Variants in ENOX1 observed in about 807,000 individuals in gnomAD.
The protein encoded by ENOX1 is ecto-NOX disulfide-thiol exchanger 1, also known as candidate growth-related and time keeping constitutive hydroquinone (NADH) oxidase.
ENOX1 carries 42 observed loss-of-function variants against 82.5 expected under a neutral mutation model. The ratio of observed to expected loss-of-function variants is 0.51; its 90% CI spans 0.40 to 0.66. The LOEUF (loss-of-function observed/expected upper bound fraction) is 0.66, where lower values mean the gene tolerates loss of function less well. ENOX1 is among the 30% of genes least tolerant of loss of function. ENOX1 has a pLI of 0.00. For missense variants in ENOX1, 608 were observed against 811.6 expected (o/e 0.75, Z 3.05); for synonymous variants, 271 against 282.2 (o/e 0.96, Z 0.40).
chr13:43,622,007 G>A (rs143621787), intron 2 of ENOX1, among the ~76,000 whole-genome samples: 21 of 152,060 alleles, frequency 1.4e-4, no homozygotes, highest in Non-Finnish European at 2.5e-4. Flanking sequence ...CCCTGTCTTC[G>A]AGCTGTGAGT....
At chr13:43,397,150 A>T (rs1291874731) in intron 5 of ENOX1, among the ~76,000 whole-genome samples, 1 of 152,242 alleles carries the variant, frequency 6.6e-6, no homozygotes, top group Non-Finnish European at 1.5e-5. Flanking sequence ...AGCAAGGATG[A>T]CATAGAAAAT....
chr13:43,600,046 T>G (rs2081635925), intron 2 of ENOX1, among the ~76,000 whole-genome samples: 1 of 152,056 alleles, frequency 6.6e-6, no homozygotes, highest in African/African-American at 2.4e-5. Context: ...CTGTGAGCTT[T>G]GGGTAAGACT....
At chr13:43,245,691 G>A (rs1299855330) in intron 14 of ENOX1, among the ~76,000 whole-genome samples, 1 of 152,178 alleles carries the variant, frequency 6.6e-6, no homozygotes, top group Non-Finnish European at 1.5e-5. Flanking sequence ...CCCTTTCCCA[G>A]CAGCCTTTGA....
rs2083623890 is a variant in ENOX1, at chr13:43,641,009, A to T, written c.-219+26470T>A. Among the ~76,000 whole-genome samples, 3 of 152,066 alleles carry T rather than the reference A, an allele frequency of 2.0e-5. No homozygotes were observed. In the South Asian group the frequency reaches 6.2e-4, roughly 32 times the overall value. On this transcript the variant is annotated intron_variant, in intron 2 of 16. Coordinates refer to ENST00000690772, the MANE Select transcript of ENOX1 (RefSeq NM_001347969.2). ...TCACTATTTTTCCTCCAGAACATTGATCCTGCCTTGGAAAGAGAAAGCAAA... is the reference window on the plus strand; with the variant it reads ...TCACTATTTTTCCTCCAGAACATTGTTCCTGCCTTGGAAAGAGAAAGCAAA...
intron 3 of ENOX1, among the ~76,000 whole-genome samples, chr13:43,450,643 A>G (rs7320651): frequency 0.61 from 92,443 of 151,870 alleles, 28,269 homozygotes; most frequent in Non-Finnish European, 0.64. Flanking sequence ...TGGTATAGGG[A>G]CGGTTCCTAG....
chr13:43,277,775 T>A (rs1172463213), intron 12 of ENOX1, among the ~76,000 whole-genome samples: 2 of 152,104 alleles, frequency 1.3e-5, no homozygotes, highest in Non-Finnish European at 2.9e-5. Context: ...TGGCCTGGAA[T>A]GCAGTGGGAT....
At chr13:43,754,333 ATATAT>A (rs1243715148) in intron 1 of ENOX1, among the ~76,000 whole-genome samples, 4 of 147,324 alleles carry the variant, frequency 2.7e-5, no homozygotes, top group Non-Finnish European at 4.5e-5. Context: ...GTATATATAT[ATATAT>A]TATTATTATT....
At chr13:43,557,128 C>CTTAAG in intron 2 of ENOX1, among the ~76,000 whole-genome samples, 1 of 152,304 alleles carries the variant, frequency 6.6e-6, no homozygotes, top group South Asian at 2.1e-4. Flanking sequence ...AGTGGCTGGA[C>CTTAAG]TGCATATCTT....
chr13:43,736,705 G>T (rs549785106), intron 1 of ENOX1, among the ~76,000 whole-genome samples: 1 of 152,326 alleles, frequency 6.6e-6, no homozygotes, highest in South Asian at 2.1e-4. Flanking sequence ...GAATTAAGGG[G>T]ACTGTCTAGG....
At chr13:43,505,848 T>C (rs372949819) in intron 2 of ENOX1, among the ~76,000 whole-genome samples, 6 of 152,044 alleles carry the variant, frequency 3.9e-5, no homozygotes, top group Admixed American at 1.3e-4. Context: ...CTGAATGGTA[T>C]TGCCTAGGTT....
chr13:43,254,256 G>A (rs1281083721), intron 14 of ENOX1, among the ~76,000 whole-genome samples: 2 of 152,170 alleles, frequency 1.3e-5, no homozygotes, highest in Admixed American at 1.3e-4. Flanking sequence ...CGGACATAGA[G>A]TTCACAGCAC....
At chr13:43,625,767 T>C (rs2082936990) in intron 2 of ENOX1, among the ~76,000 whole-genome samples, 2 of 151,962 alleles carry the variant, frequency 1.3e-5, no homozygotes, top group African/African-American at 4.8e-5. Flanking sequence ...GTATTTTTAC[T>C]TCTCTATTTA....
At chr13:43,646,013 C>T (rs2083879445) in intron 2 of ENOX1, among the ~76,000 whole-genome samples, 1 of 152,192 alleles carries the variant, frequency 6.6e-6, no homozygotes, top group South Asian at 2.1e-4. Context: ...AGGGCAAAGG[C>T]TGGGCAAGTG....
rs557454270 is a variant in ENOX1, at chr13:43,497,257, T to C, written c.-218-13105A>G. On this transcript the variant is annotated intron_variant, in intron 2 of 16. Coordinates refer to ENST00000690772, the MANE Select transcript of ENOX1 (RefSeq NM_001347969.2). ...ATTCTTTTCCAATCTATATACTTTT[T>C]ATTTATTTTACTGGCCTGACTGCAT... 1.3e-4 allele frequency among the ~76,000 whole-genome samples: 20 copies of C among 152,274 alleles called. No individual in the cohort carries two copies. In the South Asian group the frequency reaches 4.1e-3, roughly 32 times the overall value.
chr13:43,407,347 T>C (rs190498807), intron 5 of ENOX1, among the ~76,000 whole-genome samples: 243 of 152,298 alleles, frequency 1.6e-3, no homozygotes, highest in Middle Eastern at 3.4e-3. Flanking sequence ...ATATGAGGCA[T>C]AGAAGGATGG....
intron 5 of ENOX1, among the ~76,000 whole-genome samples, chr13:43,392,405 G>T (rs1264498281): frequency 6.6e-6 from 1 of 152,226 alleles, no homozygotes; most frequent in African/African-American, 2.4e-5. Flanking sequence ...GAGGCCGGGT[G>T]CACTGGCTCA....
At position 43,786,271 on chromosome 13, in the gene ENOX1, G is replaced by A. The variant is rs1051565971; in HGVS notation, c.-285+381C>T. On this transcript the variant is annotated intron_variant, in intron 1 of 16. Coordinates refer to ENST00000690772, the MANE Select transcript of ENOX1 (RefSeq NM_001347969.2). This position sits in a 1 kb window ranked among gnomAD's most constrained non-coding sequence, Gnocchi z 6.0. ...CGGGTCCCGGGGGCGACGCCCGCAG[G>A]GGGAGACGGGTGCGGGGTGCGCTGT... Among the ~76,000 whole-genome samples the A allele has an allele frequency of 6.6e-6, 1 of 152,188 alleles. No homozygotes were observed. The highest frequency in any genetic ancestry group is 1.5e-5 in the Non-Finnish European group (1 of 68,030).
intron 14 of ENOX1, among the ~76,000 whole-genome samples, chr13:43,257,994 G>A (rs1223821530): frequency 6.6e-6 from 1 of 152,138 alleles, no homozygotes; most frequent in African/African-American, 2.4e-5. Context: ...TATTAAACTT[G>A]CTAATCCTGT....
At chr13:43,440,641 A>G (rs910672815) in intron 3 of ENOX1, among the ~76,000 whole-genome samples, 3 of 152,188 alleles carry the variant, frequency 2.0e-5, no homozygotes, top group Non-Finnish European at 2.9e-5. Flanking sequence ...ACCAATCAGA[A>G]AACTAAAAAT....
Sources: allele counts gnomAD v4.1 joint callset (sites outside exome capture counted in the v4.1 genomes callset), GRCh38; gene constraint gnomAD v4.1.1; non-coding constraint Gnocchi (gnomAD v3.1); transcripts MANE v1.5; gene names NCBI Gene and HGNC (gene_info 2026-07-23, HGNC 2026-07-21).